BCL2L13: variants seen among roughly 807,000 people sequenced by gnomAD.
BCL2L13 encodes BCL2 like 13.
In BCL2L13, 13 loss-of-function variants were observed where a neutral mutation model predicts 25.8. The ratio of observed to expected loss-of-function variants is 0.50; its 90% confidence interval spans 0.33 to 0.80. BCL2L13 has a LOEUF of 0.80. Ranked by LOEUF, BCL2L13 falls within the 30% of genes least tolerant of loss-of-function variation. The pLI is 0.02. For synonymous variants in BCL2L13, 244 were observed against 230.3 expected (o/e 1.06, Z -0.54); for missense variants, 504 against 574.9 (o/e 0.88, Z 1.26).
chr22:17,701,915 CA>C (rs5844321), intron 5 of BCL2L13, among the ~76,000 whole-genome samples: 63,349 of 104,038 alleles, frequency 0.61, 16,738 homozygotes, highest in East Asian at 0.78. Flanking sequence ...GACTCCATCT[CA>C]AAAAAAAAAA....
chr22:17,681,774 A>G (rs1347851337), intron 2 of BCL2L13, among the ~76,000 whole-genome samples: 1 of 152,120 alleles, frequency 6.6e-6, no homozygotes, highest in African/African-American at 2.4e-5. Context: ...GAGAGGCGAC[A>G]TTGTGCAGGG....
At chr22:17,651,922 TTG>T (rs1429685719) in intron 1 of BCL2L13, among the ~76,000 whole-genome samples, 23 of 151,910 alleles carry the variant, frequency 1.5e-4, no homozygotes, top group African/African-American at 5.6e-4. Context: ...GATTTCCTGA[TTG>T]CGTGATCCAC....
chr22:17,649,168 G>C (rs945388270), intron 1 of BCL2L13, among the ~76,000 whole-genome samples: 1 of 152,058 alleles, frequency 6.6e-6, no homozygotes, highest in Non-Finnish European at 1.5e-5. Flanking sequence ...TATGATTTCG[G>C]CTCACTGCAA....
intron 5 of BCL2L13, among the ~76,000 whole-genome samples, chr22:17,699,767 TC>T (rs2060376610): frequency 6.6e-6 from 1 of 151,564 alleles, no homozygotes; most frequent in Non-Finnish European, 1.5e-5. Flanking sequence ...GAGATGAGAG[TC>T]CAAAAAAAAT....
intron 3 of BCL2L13, among the ~76,000 whole-genome samples, chr22:17,688,330 T>C (rs935805758): frequency 9.9e-5 from 15 of 152,226 alleles, no homozygotes; most frequent in African/African-American, 3.4e-4. Context: ...TGTAGTAATA[T>C]TAAGGTTGAA....
rs1601447904 is a variant in BCL2L13, at chr22:17,638,988, G to C, written c.-51+102G>C. On this transcript the variant is annotated intron_variant, in intron 1 of 6. Transcript: ENST00000317582. Reference sequence around the variant, plus strand: ...ACCGTATCGAGCCACCGACTCCCCAGTGGTTCCGACGACGCGTGAGTTTGA... The same window carrying C: ...ACCGTATCGAGCCACCGACTCCCCACTGGTTCCGACGACGCGTGAGTTTGA... The C allele has an allele frequency of 5.1e-6, 5 of 981,992 alleles. No individual in the cohort carries two copies. The East Asian group carries it at 1.3e-4, about 26-fold the overall frequency. 60.8% of individuals were successfully genotyped at this position (981,992 alleles called of 1,614,324 possible).
At chr22:17,655,637 GAA>G in intron 1 of BCL2L13, 23 bp from the exon 2 acceptor site, 1 of 1,541,160 alleles carries the variant, frequency 6.5e-7, no homozygotes, top group Non-Finnish European at 8.7e-7. Context: ...ACTTTAAACT[GAA>G]AAAATTACTT....
intron 1 of BCL2L13, among the ~76,000 whole-genome samples, chr22:17,633,237 T>C (rs532706481): frequency 6.6e-6 from 1 of 152,252 alleles, no homozygotes; most frequent in African/African-American, 2.4e-5. Flanking sequence ...CACCCACTTC[T>C]CCCCCATGTT....
intron 6 of BCL2L13, among the ~76,000 whole-genome samples, chr22:17,723,562 A>C (rs1382553404): frequency 6.6e-6 from 1 of 152,230 alleles, no homozygotes; most frequent in Non-Finnish European, 1.5e-5. Context: ...AAATGACAAC[A>C]CAAACAATAG....
rs1211258894 is a variant in BCL2L13 at position 17,727,447 on chromosome 22, C to T, written c.1371C>T (p.Gly457=). The change falls in exon 7 of 7, where the codon GGC becomes GGT. Residue 457 remains glycine (G), a synonymous_variant. Transcript: ENST00000317582. ...GEMKPMPLSE[G]KSILLFGGAA... ...TGAAGCCCATGCCGCTGTCTGAGGG[C>T]AAGTCTATACTGCTGTTTGGAGGGG... 77 of 1,614,140 alleles carry T rather than the reference C, an allele frequency of 4.8e-5. No homozygotes were observed. Among genetic ancestry groups the T allele is most frequent in the Non-Finnish European group, 6.4e-5 (76 of 1,180,054 alleles).
At chr22:17,669,800 C>G (rs1326886216) in intron 2 of BCL2L13, among the ~76,000 whole-genome samples, 1 of 152,208 alleles carries the variant, frequency 6.6e-6, no homozygotes, top group Non-Finnish European at 1.5e-5. Flanking sequence ...CATTAGCATG[C>G]TCAGCCCCCT....
intron 2 of BCL2L13, among the ~76,000 whole-genome samples, chr22:17,675,472 T>C (rs2059551278): frequency 6.6e-6 from 1 of 152,168 alleles, no homozygotes; most frequent in South Asian, 2.1e-4. Context: ...GTTAGAAATG[T>C]TTTTGTGGAA....
At chr22:17,629,192 C>T (rs377724537) in intron 1 of BCL2L13, among the ~76,000 whole-genome samples, 109 of 151,852 alleles carry the variant, frequency 7.2e-4, no homozygotes, top group African/African-American at 2.5e-3. Context: ...AGAGGAACCC[C>T]GTCTCTACCA....
chr22:17,658,572 T>C (rs985712575), intron 2 of BCL2L13, among the ~76,000 whole-genome samples: 1 of 151,730 alleles, frequency 6.6e-6, no homozygotes, highest in Admixed American at 6.6e-5. Flanking sequence ...CACACGCCTG[T>C]AATCCCAGCT....
chr22:17,726,243 G>A (rs111419703), intron 6 of BCL2L13, among the ~76,000 whole-genome samples: 4 of 151,996 alleles, frequency 2.6e-5, no homozygotes, highest in African/African-American at 9.6e-5. Flanking sequence ...TGCAGCTACT[G>A]GGAAGGCCGA....
rs372674342 is a variant in BCL2L13, at chr22:17,687,464, C to T, written c.230-1522C>T. ...TCAAGTGATCCTCCTACTTCAGCCC[C>T]CCAGTAGCTGGGACTATAGGCGTGT... On this transcript the variant is annotated intron_variant, in intron 3 of 6. Coordinates refer to ENST00000317582, the MANE Select transcript of BCL2L13 (RefSeq NM_015367.4). Among the ~76,000 whole-genome samples, 11 of 152,244 alleles carry T rather than the reference C, an allele frequency of 7.2e-5. No individual in the cohort carries two copies. In the East Asian group the frequency reaches 2.1e-3, roughly 29 times the overall value.
At chr22:17,678,276 G>A (rs560244787) in intron 2 of BCL2L13, among the ~76,000 whole-genome samples, 2 of 151,848 alleles carry the variant, frequency 1.3e-5, no homozygotes. Flanking sequence ...CTTCTGCCTC[G>A]GCCTCCCAAA....
chr22:17,727,443 A>T lies in BCL2L13; in HGVS notation c.1367A>T (p.Glu456Val), dbSNP rs79531470. 6.2e-7 allele frequency: 1 copy of T among 1,614,108 alleles called. No individual in the cohort carries two copies. The highest frequency in any genetic ancestry group is 8.5e-7 in the Non-Finnish European group (1 of 1,180,042). Residue 456 changes from glutamate to valine, a missense_variant, in exon 7 of 7, where the codon GAG becomes GTG. By Grantham distance (121) the Glu-to-Val change is moderately radical (BLOSUM62 -2). Coordinates refer to ENST00000317582, the MANE Select transcript of BCL2L13 (RefSeq NM_015367.4). ...AGEMKPMPLS[E>V]GKSILLFGGA... is the part of the protein sequence containing the mutation. ...GAGATGAAGCCCATGCCGCTGTCTG[A>T]GGGCAAGTCTATACTGCTGTTTGGA... is the stretch of plus-strand genomic sequence containing the variant.
chr22:17,670,373 CTTT>C lies in BCL2L13; in HGVS notation c.122-12825_122-12823del, dbSNP rs370701152. 4.7e-5 allele frequency among the ~76,000 whole-genome samples: 6 copies of C among 128,896 alleles called. No individual in the cohort carries two copies. In the East Asian group the frequency reaches 9.2e-4, roughly 20 times the overall value. 84.6% of individuals were successfully genotyped at this position (128,896 alleles called of 152,430 possible). A position where few individuals can be genotyped will look rare whatever the true frequency, so the allele number is the denominator to read the frequency against. On this transcript the variant is annotated intron_variant, in intron 2 of 6. Coordinates refer to ENST00000317582, the MANE Select transcript of BCL2L13 (RefSeq NM_015367.4). The stretch of plus-strand genomic sequence containing the variant: ...GGGGAGTCCTGCTATCTCAAATCAG[CTTT>C]TTTTTTTTTTTTTTTAAGACAGAGT...
Sources: gnomAD v4.1 joint callset for allele counts (sites outside exome capture counted in the v4.1 genomes callset) on GRCh38, gnomAD v4.1.1 for gene constraint, MANE v1.5 for transcripts, NCBI Gene and HGNC (gene_info 2026-07-23, HGNC 2026-07-21) for gene names.